Variants in DCDC2 observed in about 807,000 individuals in gnomAD.
DCDC2 encodes doublecortin domain containing 2.
In DCDC2, 40 loss-of-function variants were observed where a neutral mutation model predicts 50.2. The ratio of observed to expected loss-of-function variants is 0.80; its 90% CI spans 0.62 to 1.04. DCDC2 has a LOEUF of 1.04. Among genes scored for constraint, DCDC2 ranks in the 50% least tolerant of loss-of-function variants. The probability of loss-of-function intolerance (pLI) is 0.00; values close to 1 mark genes in which losing one functional copy is unlikely to be tolerated. For synonymous variants in DCDC2, 234 were observed against 210.6 expected (o/e 1.11, Z -0.96); for missense variants, 570 against 581.9 (o/e 0.98, Z 0.21).
chr6:24,222,952 A>G (rs1392704078), intron 7 of DCDC2, among the ~76,000 whole-genome samples: 4 of 152,208 alleles, frequency 2.6e-5, no homozygotes, highest in Non-Finnish European at 5.9e-5. Flanking sequence ...CTGAACTTTT[A>G]AGAAAAAAAG....
At chr6:24,313,640 G>A (rs576966476) in intron 2 of DCDC2, among the ~76,000 whole-genome samples, 4 of 152,330 alleles carry the variant, frequency 2.6e-5, no homozygotes, top group Non-Finnish European at 5.9e-5. Flanking sequence ...CCGTGTGGGC[G>A]GGTGCAGCTT....
At chr6:24,209,982 C>A (rs1450907349) in intron 7 of DCDC2, among the ~76,000 whole-genome samples, 3 of 151,292 alleles carry the variant, frequency 2.0e-5, no homozygotes, top group Non-Finnish European at 4.4e-5. Context: ...ATCTCATTTA[C>A]TTGATCTTTT....
At chr6:24,227,074 TGAGA>T (rs1462164242) in intron 7 of DCDC2, among the ~76,000 whole-genome samples, 1 of 151,986 alleles carries the variant, frequency 6.6e-6, no homozygotes, top group Non-Finnish European at 1.5e-5. Flanking sequence ...CTTCTCCGAC[TGAGA>T]AAGAACAAAA....
chr6:24,283,440 TTC>T (rs997325422), intron 6 of DCDC2, among the ~76,000 whole-genome samples: 2 of 147,862 alleles, frequency 1.4e-5, no homozygotes, highest in Non-Finnish European at 3.0e-5. Context: ...CTTTCTCTCT[TTC>T]TCTCTCAAGC....
rs149812830 is a variant in DCDC2 at position 24,315,842 on chromosome 6, G to C, written c.349-13798C>G. On this transcript the variant is annotated intron_variant, in intron 2 of 9. Transcript: ENST00000378454. ...CACCCCAGCTGCCACATGGAGAAGA[G>C]ACTGCAGAAAGCAAGAATGGAAGCA... is the stretch of plus-strand genomic sequence containing the variant. Among the ~76,000 whole-genome samples the C allele has an allele frequency of 4.9e-3, 750 of 152,260 alleles. 1 individual carries two copies. The highest frequency in any genetic ancestry group is 0.031 in the Middle Eastern group (9 of 294).
chr6:24,338,393 A>G (rs538145921), intron 2 of DCDC2, among the ~76,000 whole-genome samples: 73 of 152,276 alleles, frequency 4.8e-4, no homozygotes, highest in African/African-American at 1.7e-3. Context: ...CACGAAAGGG[A>G]ATGCCATCTA....
chr6:24,288,320 T>C (rs757661704), intron 6 of DCDC2, among the ~76,000 whole-genome samples: 1 of 152,176 alleles, frequency 6.6e-6, no homozygotes, highest in Admixed American at 6.5e-5. Flanking sequence ...GGTTAGGAAA[T>C]TACCTACTAA....
intron 2 of DCDC2, among the ~76,000 whole-genome samples, chr6:24,331,156 A>G (rs755497426): frequency 6.6e-6 from 1 of 152,322 alleles, no homozygotes; most frequent in Non-Finnish European, 1.5e-5. Flanking sequence ...GAAGACGGGA[A>G]GAGAATTCCC....
intron 7 of DCDC2, among the ~76,000 whole-genome samples, chr6:24,265,063 G>A (rs1046231174): frequency 6.6e-6 from 1 of 152,164 alleles, no homozygotes; most frequent in East Asian, 1.9e-4. Flanking sequence ...CACTGTGGGA[G>A]ACCAAGGTGG....
At chr6:24,220,768 G>A (rs988853716) in intron 7 of DCDC2, among the ~76,000 whole-genome samples, 5 of 146,916 alleles carry the variant, frequency 3.4e-5, no homozygotes, top group South Asian at 2.2e-4. Flanking sequence ...TTTACTCAGA[G>A]GTCTGCACAG....
intron 7 of DCDC2, among the ~76,000 whole-genome samples, chr6:24,215,124 G>C (rs556076724): frequency 1.6e-3 from 242 of 152,262 alleles, no homozygotes; most frequent in South Asian, 0.014. Flanking sequence ...AAAAAAATGG[G>C]GAGAGGAGAA....
At chr6:24,358,929 T>A (rs1427001807), upstream of DCDC2, among the ~76,000 whole-genome samples, 12 of 30,636 alleles carry the variant, frequency 3.9e-4, no homozygotes, top group African/African-American at 1.5e-3. Context: ...TATTATATAT[T>A]ATATATTTTA....
chr6:24,359,009 T>C (rs868179474), upstream of DCDC2, among the ~76,000 whole-genome samples: 17 of 62,670 alleles, frequency 2.7e-4, no homozygotes, highest in Non-Finnish European at 3.9e-4. Flanking sequence ...ATATTTTATA[T>C]ATTATATATT....
chr6:24,368,365 A>G, the DCDC2 span, among the ~76,000 whole-genome samples: 1 of 152,188 alleles, frequency 6.6e-6, no homozygotes, highest in Non-Finnish European at 1.5e-5. Context: ...TTAAGAAGAA[A>G]AAAAAACAAA....
intron 2 of DCDC2, among the ~76,000 whole-genome samples, chr6:24,339,820 TATA>T (rs1341770366): frequency 3.9e-5 from 6 of 152,234 alleles, no homozygotes; most frequent in African/African-American, 1.2e-4. Flanking sequence ...TGGATATATT[TATA>T]ATAAGTGTTG....
intron 7 of DCDC2, among the ~76,000 whole-genome samples, chr6:24,237,564 A>C (rs1159316270): frequency 6.6e-6 from 1 of 152,240 alleles, no homozygotes; most frequent in Non-Finnish European, 1.5e-5. Context: ...TAATCCCATT[A>C]CTGGGTAGAT....
intron 2 of DCDC2, among the ~76,000 whole-genome samples, chr6:24,318,968 T>C (rs540103158): frequency 8.9e-4 from 136 of 152,252 alleles, no homozygotes; most frequent in African/African-American, 3.2e-3. Context: ...ACTGCCAGAC[T>C]GAATGGTAGT....
chr6:24,205,002 C>G lies in DCDC2; in HGVS notation c.1023G>C (p.Gln341His), dbSNP rs1761677542. 2 of 1,612,654 alleles carry G rather than the reference C, an allele frequency of 1.2e-6. No homozygotes were observed. The highest frequency in any genetic ancestry group is 1.3e-5 in the African/African-American group (1 of 74,824). Residue 341 changes from glutamine (Q) to histidine (H), a missense_variant and splice_region_variant, in exon 8 of 10, where the codon CAG becomes CAC. Coordinates refer to ENST00000378454, the MANE Select transcript of DCDC2 (RefSeq NM_016356.5). ...ATATTTTTTAAGGCATGGAGATTAC[C>G]TGATCGACTGGAACCTCAACCTGAG... ...EDTQVEVPVD[Q>H]RPAEIVDEEE...
At chr6:24,219,799 G>A (rs1762059437) in intron 7 of DCDC2, among the ~76,000 whole-genome samples, 1 of 152,154 alleles carries the variant, frequency 6.6e-6, no homozygotes, top group Admixed American at 6.5e-5. Flanking sequence ...GAGAAGACAT[G>A]GGTGCAATAT....
Sources: gnomAD v4.1 joint callset for allele counts (sites outside exome capture counted in the v4.1 genomes callset) on GRCh38, gnomAD v4.1.1 for gene constraint, MANE v1.5 for transcripts, NCBI Gene and HGNC (gene_info 2026-07-23, HGNC 2026-07-21) for gene names.